Variants in TMEM132C observed in about 807,000 individuals in gnomAD.
TMEM132C encodes transmembrane protein 132C.
A neutral mutation model predicts 61.4 loss-of-function variants in TMEM132C; 29 were observed. That is an observed-to-expected ratio of 0.47 (90% confidence interval 0.35 to 0.64). The LOEUF is 0.64. TMEM132C is among the 30% of genes least tolerant of loss of function. The pLI, the probability that TMEM132C is intolerant of heterozygous loss-of-function variation, is 0.00. For missense variants in TMEM132C, 1,408 were observed against 1,476.9 expected (o/e 0.95, Z 0.76); for synonymous variants, 656 against 633.1 (o/e 1.04, Z -0.54).
chr12:128,441,141 GAA>G (rs1869770630), intron 2 of TMEM132C, among the ~76,000 whole-genome samples: 1 of 152,224 alleles, frequency 6.6e-6, no homozygotes. Flanking sequence ...ATGTCACAAA[GAA>G]AGTCAGGCAT....
chr12:128,627,618 C>T (rs1213160143), intron 4 of TMEM132C, among the ~76,000 whole-genome samples: 1 of 152,188 alleles, frequency 6.6e-6, no homozygotes, highest in Non-Finnish European at 1.5e-5. Context: ...TGCCCAAGCA[C>T]CGGCACCCCA....
intron 2 of TMEM132C, among the ~76,000 whole-genome samples, chr12:128,527,992 T>G (rs1326183802): frequency 6.6e-6 from 1 of 152,118 alleles, no homozygotes; most frequent in African/African-American, 2.4e-5. Context: ...TGCTAGGAGA[T>G]TTTTTAAAAA....
chr12:128,577,433 G>GA (rs1388923172), intron 3 of TMEM132C, among the ~76,000 whole-genome samples: 1 of 152,192 alleles, frequency 6.6e-6, no homozygotes, highest in Admixed American at 6.5e-5. Context: ...CCCCCCTTGG[G>GA]ATAGGAGAAC....
At chr12:128,397,565 G>C (rs1875006184) in intron 1 of TMEM132C, among the ~76,000 whole-genome samples, 1 of 152,086 alleles carries the variant, frequency 6.6e-6, no homozygotes, top group Admixed American at 6.5e-5. Flanking sequence ...TCTTACTGTG[G>C]GTTTGCAATT....
At chr12:128,484,139 T>C (rs1871407261) in intron 2 of TMEM132C, among the ~76,000 whole-genome samples, 1 of 152,202 alleles carries the variant, frequency 6.6e-6, no homozygotes, top group African/African-American at 2.4e-5. Flanking sequence ...GCTGTTGTTA[T>C]ATGTTTGCCA....
At chr12:128,572,334 C>A (rs1043755442) in intron 3 of TMEM132C, among the ~76,000 whole-genome samples, 1 of 151,068 alleles carries the variant, frequency 6.6e-6, no homozygotes, top group Non-Finnish European at 1.5e-5. Flanking sequence ...GTGTCACATG[C>A]CCAGACCTGG....
intron 3 of TMEM132C, among the ~76,000 whole-genome samples, chr12:128,552,301 C>CTG (rs1472674945): frequency 1.3e-5 from 2 of 152,212 alleles, no homozygotes; most frequent in African/African-American, 4.8e-5. Context: ...CCATAATATT[C>CTG]TGTAGATTTT....
intron 3 of TMEM132C, among the ~76,000 whole-genome samples, chr12:128,582,743 T>G (rs1875393387): frequency 6.6e-6 from 1 of 152,140 alleles, no homozygotes; most frequent in South Asian, 2.1e-4. Flanking sequence ...GAACTGTAAG[T>G]CCAATTAAAC....
At chr12:128,477,740 C>T (rs369588954) in intron 2 of TMEM132C, among the ~76,000 whole-genome samples, 3 of 152,144 alleles carry the variant, frequency 2.0e-5, no homozygotes, top group Non-Finnish European at 2.9e-5. Flanking sequence ...CCGTCACACC[C>T]GGCTAATTTT....
At chr12:128,621,442 A>G (rs924378536) in intron 4 of TMEM132C, among the ~76,000 whole-genome samples, 8 of 152,138 alleles carry the variant, frequency 5.3e-5, no homozygotes, top group African/African-American at 1.7e-4. Context: ...GGTGGCAAAG[A>G]CTGGAGCTTC....
chr12:128,643,200 G>T (rs1260431885), intron 4 of TMEM132C, among the ~76,000 whole-genome samples: 1 of 152,150 alleles, frequency 6.6e-6, no homozygotes, highest in African/African-American at 2.4e-5. Context: ...AGGGATTTCA[G>T]GACCGGATTA....
chr12:128,374,192 A>G (rs1874112453), intron 1 of TMEM132C, among the ~76,000 whole-genome samples: 1 of 152,222 alleles, frequency 6.6e-6, no homozygotes, highest in Non-Finnish European at 1.5e-5. Flanking sequence ...GTTGGGGGAC[A>G]TCCGGGAGAC....
chr12:128,331,296 A>G (rs1187705807), intron 1 of TMEM132C, among the ~76,000 whole-genome samples: 3 of 152,180 alleles, frequency 2.0e-5, no homozygotes, highest in Admixed American at 2.0e-4. Flanking sequence ...AGTTTTATCT[A>G]TTCTAATTGT....
At chr12:128,687,847 G>T (rs958621659) in intron 5 of TMEM132C, among the ~76,000 whole-genome samples, 3 of 152,280 alleles carry the variant, frequency 2.0e-5, no homozygotes, top group Non-Finnish European at 4.4e-5. Flanking sequence ...ACAGTCTGAG[G>T]TTCCAGGAAG....
chr12:128,414,918 A>C lies in TMEM132C; in HGVS notation c.272A>C (p.Gln91Pro), dbSNP rs1314684754. Reference protein sequence around the residue: ...VESFFTYKTRQPPVLNASYGP... With the variant: ...VESFFTYKTRPPPVLNASYGP... ...TCCTTCTTTACCTACAAAACCAGGC[A>C]GCCCCCAGTGCTCAATGCCAGCTAT... Residue 91 changes from glutamine (Q) to proline (P), a missense_variant, in exon 2 of 9, where the codon CAG becomes CCG. Gln to Pro is a moderately conservative substitution (Grantham distance 76). Coordinates refer to ENST00000435159, the MANE Select transcript of TMEM132C (RefSeq NM_001136103.3). 6.4e-7 allele frequency: 1 copy of C among 1,551,784 alleles called. No individual in the cohort carries two copies. Among genetic ancestry groups the C allele is most frequent in the Admixed American group, 2.0e-5 (1 of 51,008 alleles).
At position 128,361,664 on chromosome 12, in the gene TMEM132C, ATT is replaced by A. The variant is rs5801793; in HGVS notation, c.86-53055_86-53054del. ...TTTCTCCAAACTCCTCTTTCTTTTG[ATT>A]TTTTTTTTTTTTAATACTGCTGTGC... On this transcript the variant is annotated intron_variant, in intron 1 of 8. Coordinates refer to ENST00000435159, the MANE Select transcript of TMEM132C (RefSeq NM_001136103.3). 1.9e-3 allele frequency among the ~76,000 whole-genome samples: 284 copies of A among 147,926 alleles called. 1 individual carries two copies. Among genetic ancestry groups the A allele is most frequent in the Middle Eastern group, 3.5e-3 (1 of 286 alleles).
intron 2 of TMEM132C, among the ~76,000 whole-genome samples, chr12:128,453,110 C>A (rs78023916): frequency 0.018 from 2,681 of 152,246 alleles, 80 homozygotes; most frequent in African/African-American, 0.058. Flanking sequence ...CGTGTTGATT[C>A]TTTAGTGACT....
At chr12:128,660,812 G>A (rs947172317) in intron 4 of TMEM132C, among the ~76,000 whole-genome samples, 1 of 152,114 alleles carries the variant, frequency 6.6e-6, no homozygotes, top group Non-Finnish European at 1.5e-5. Context: ...TACAGTAATA[G>A]GGAAGTAAAT....
At chr12:128,279,286 T>A (rs1222715078) in intron 1 of TMEM132C, among the ~76,000 whole-genome samples, 2 of 152,294 alleles carry the variant, frequency 1.3e-5, no homozygotes, top group East Asian at 1.9e-4. Flanking sequence ...TGTCATTTTT[T>A]TTATTATTAT....
Sources: gnomAD v4.1 joint callset for allele counts (sites outside exome capture counted in the v4.1 genomes callset) on GRCh38, gnomAD v4.1.1 for gene constraint, MANE v1.5 for transcripts, NCBI Gene and HGNC (gene_info 2026-07-23, HGNC 2026-07-21) for gene names.